KMT2C: variants seen among roughly 807,000 people sequenced by gnomAD.
The protein encoded by KMT2C is lysine methyltransferase 2C, also known as histone-lysine N-methyltransferase 2C.
A neutral mutation model predicts 507.9 loss-of-function variants in KMT2C; 88 were observed. The ratio of observed to expected loss-of-function variants is 0.17; its 90% CI spans 0.15 to 0.21. The LOEUF is 0.21. Among genes scored for constraint, KMT2C ranks in the 10% least tolerant of loss-of-function variants. KMT2C has a pLI of 1.00. For missense variants in KMT2C, 4,954 were observed against 5,957.8 expected, an observed-to-expected ratio of 0.83 and a Z score of 5.55; for synonymous variants, 2,049 against 2,080.8, an observed-to-expected ratio of 0.98 and a Z score of 0.42.
At chr7:152,197,609 T>C (rs2094003479) in intron 27 of KMT2C, among the ~76,000 whole-genome samples, 1 of 152,192 alleles carries the variant, frequency 6.6e-6, no homozygotes, top group East Asian at 1.9e-4. Flanking sequence ...AGGAGTCATA[T>C]AGCAGTTTTT....
intron 24 of KMT2C, among the ~76,000 whole-genome samples, chr7:152,206,812 T>C (rs1018956194): frequency 2.0e-4 from 31 of 152,336 alleles, no homozygotes; most frequent in African/African-American, 7.2e-4. Context: ...TAATCAGTCA[T>C]GGTTTTTAAC....
rs2129098632 is a variant in KMT2C at position 152,154,248 on chromosome 7, G to A, written c.12139+19C>T. 6.2e-7 allele frequency: 1 copy of A among 1,613,678 alleles called. No individual in the cohort carries two copies. The highest frequency in any genetic ancestry group is 8.5e-7 in the Non-Finnish European group (1 of 1,179,598). ...GGCGTAGTGTAAAGGGAAATAATAA[G>A]GTTAAGTGTTGTTCTTACTTTTCCC... On this transcript the variant is annotated intron_variant, in intron 47 of 58. Transcript: ENST00000262189.
chr7:152,186,352 A>G (rs1255284615), intron 33 of KMT2C, among the ~76,000 whole-genome samples: 1 of 152,238 alleles, frequency 6.6e-6, no homozygotes, highest in African/African-American at 2.4e-5. Flanking sequence ...ATTTGTGCTG[A>G]CACAAAATGA....
chr7:152,435,185 C>T (rs2097905245), intron 1 of KMT2C, among the ~76,000 whole-genome samples: 1 of 152,108 alleles, frequency 6.6e-6, no homozygotes, highest in Admixed American at 6.5e-5. Context: ...CCACCTGGCC[C>T]GGGCGTTTTG....
intron 1 of KMT2C, among the ~76,000 whole-genome samples, chr7:152,372,287 C>G (rs778037521): frequency 1.3e-5 from 2 of 152,010 alleles, no homozygotes; most frequent in Non-Finnish European, 2.9e-5. Context: ...TCCTGAGTAA[C>G]TGGGATTACA....
chr7:152,428,493 T>C (rs1426883895), intron 1 of KMT2C, among the ~76,000 whole-genome samples: 1 of 140,812 alleles, frequency 7.1e-6, no homozygotes, highest in Non-Finnish European at 1.5e-5. Flanking sequence ...TAGCCGGGCA[T>C]GGTGGTGGGT....
At chr7:152,218,817 A>ACTCT (rs1463151795) in intron 23 of KMT2C, among the ~76,000 whole-genome samples, 1 of 151,748 alleles carries the variant, frequency 6.6e-6, no homozygotes, top group Non-Finnish European at 1.5e-5. Context: ...TGCTCAGCAC[A>ACTCT]CTCTCACCCA....
At chr7:152,420,124 A>G (rs1013057930) in intron 1 of KMT2C, among the ~76,000 whole-genome samples, 3 of 152,282 alleles carry the variant, frequency 2.0e-5, no homozygotes, top group Non-Finnish European at 4.4e-5. Flanking sequence ...TATAATACAC[A>G]GCAGATTCTC....
At chr7:152,222,269 C>T (rs1195904762) in intron 21 of KMT2C, among the ~76,000 whole-genome samples, 1 of 152,122 alleles carries the variant, frequency 6.6e-6, no homozygotes, top group African/African-American at 2.4e-5. Flanking sequence ...GAAAACCTGG[C>T]TAAGAAACAA....
chr7:152,240,946 G>A (rs990694044), intron 14 of KMT2C, among the ~76,000 whole-genome samples: 2 of 152,138 alleles, frequency 1.3e-5, no homozygotes, highest in African/African-American at 4.8e-5. Flanking sequence ...CTTTTCAAAA[G>A]TACAAATGTG....
chr7:152,253,146 C>G (rs563841657), intron 9 of KMT2C, among the ~76,000 whole-genome samples: 2 of 152,164 alleles, frequency 1.3e-5, no homozygotes, highest in Non-Finnish European at 2.9e-5. Flanking sequence ...TGAGCCACTG[C>G]GCCTGGCCTT....
chr7:152,170,444 C>T (rs1587888250), intron 40 of KMT2C, among the ~76,000 whole-genome samples: 1 of 152,116 alleles, frequency 6.6e-6, no homozygotes, highest in East Asian at 1.9e-4. Flanking sequence ...TATAGCATAT[C>T]TTTCAACAAG....
At chr7:152,261,309 A>G (rs2095770629) in intron 9 of KMT2C, among the ~76,000 whole-genome samples, 2 of 152,184 alleles carry the variant, frequency 1.3e-5, no homozygotes, top group Non-Finnish European at 2.9e-5. Context: ...CACTGGCGTG[A>G]CCTACTTGCT....
rs575443782 is a variant in KMT2C at position 152,380,731 on chromosome 7, T to C, written c.162-22056A>G. Among the ~76,000 whole-genome samples the C allele has an allele frequency of 1.1e-4, 17 of 152,252 alleles. No homozygotes were observed. The South Asian group carries it at 3.5e-3, about 32-fold the overall frequency. ...CCTGCCTAAGTAACAGAATGAGATCTTGTAATTTAAAAAATAAAAGGATAG... is the reference window on the plus strand; with the variant it reads ...CCTGCCTAAGTAACAGAATGAGATCCTGTAATTTAAAAAATAAAAGGATAG... On this transcript the variant is annotated intron_variant, in intron 1 of 58. Transcript: ENST00000262189.
At chr7:152,226,801 C>T (rs556214370) in intron 18 of KMT2C, among the ~76,000 whole-genome samples, 88 of 152,144 alleles carry the variant, frequency 5.8e-4, no homozygotes, top group African/African-American at 1.9e-3. Flanking sequence ...ATGCAAAAAC[C>T]GCTACAAATA....
chr7:152,431,603 CAA>C (rs71533568), intron 1 of KMT2C, among the ~76,000 whole-genome samples: 208 of 116,316 alleles, frequency 1.8e-3, no homozygotes, highest in African/African-American at 2.7e-3. Flanking sequence ...AAGACTCTGT[CAA>C]AAAAAAAAAA....
chr7:152,351,713 T>C lies in KMT2C; in HGVS notation c.250+6874A>G, dbSNP rs557971198. On this transcript the variant is annotated intron_variant, in intron 2 of 58. Transcript: ENST00000262189. ...ATACTTTTATAATTTCTTACGCCTG[T>C]CTTTACTGTAATCTCTGAACATAAA... Among the ~76,000 whole-genome samples the C allele has an allele frequency of 5.3e-5, 8 of 152,334 alleles. No homozygotes were observed. The South Asian group carries it at 1.7e-3, about 32-fold the overall frequency.
Position 152,392,165 on chromosome 7 carries a change from A to T in KMT2C, c.162-33490T>A, listed in dbSNP as rs1589689008. Among the ~76,000 whole-genome samples, 3 of 151,954 alleles carry T rather than the reference A, an allele frequency of 2.0e-5. No homozygotes were observed. The East Asian group carries it at 5.8e-4, about 29-fold the overall frequency. On this transcript the variant is annotated intron_variant, in intron 1 of 58. Transcript: ENST00000262189. The stretch of plus-strand genomic sequence containing the variant: ...GGCAATGCCTTATAAGTTACCATGC[A>T]AAAAAATATAAATGTATCTCATTTA...
At chr7:152,387,521 A>G in intron 1 of KMT2C, among the ~76,000 whole-genome samples, 2 of 137,970 alleles carry the variant, frequency 1.4e-5, no homozygotes, top group East Asian at 2.2e-4. Flanking sequence ...CCCAGGCTGG[A>G]GTGCAGTGGT....
Sources: gnomAD v4.1 joint callset for allele counts (sites outside exome capture counted in the v4.1 genomes callset) on GRCh38, gnomAD v4.1.1 for gene constraint, MANE v1.5 for transcripts, NCBI Gene and HGNC (gene_info 2026-07-23, HGNC 2026-07-21) for gene names.